MAGI2: variants seen among roughly 807,000 people sequenced by gnomAD.
MAGI2 encodes the protein membrane-associated guanylate kinase, WW and PDZ domain-containing protein 2.
A neutral mutation model predicts 133.3 loss-of-function variants in MAGI2; 35 were observed. That is an observed-to-expected ratio of 0.26 (90% confidence interval 0.20 to 0.35). MAGI2 has a LOEUF of 0.35. Ranked by LOEUF, MAGI2 falls within the 10% of genes least tolerant of loss-of-function variation. The probability of loss-of-function intolerance (pLI) is 1.00; values close to 1 mark genes in which losing one functional copy is unlikely to be tolerated. For synonymous variants in MAGI2, 729 were observed against 710.6 expected, an observed-to-expected ratio of 1.03 and a Z score of -0.41; for missense variants, 1,636 against 1,863.4, an observed-to-expected ratio of 0.88 and a Z score of 2.25.
intron 20 of MAGI2, among the ~76,000 whole-genome samples, chr7:78,082,078 T>C (rs1261858636): frequency 1.3e-5 from 2 of 152,194 alleles, no homozygotes; most frequent in African/African-American, 4.8e-5. Context: ...ACTGCCGCCT[T>C]GTGGTTACTT....
At chr7:79,269,172 T>C (rs1321492181) in intron 1 of MAGI2, among the ~76,000 whole-genome samples, 1 of 152,196 alleles carries the variant, frequency 6.6e-6, no homozygotes, top group Non-Finnish European at 1.5e-5. Flanking sequence ...TCTCCGCTTT[T>C]TGAGAACAGC....
chr7:78,253,938 A>T (rs1186839931), intron 10 of MAGI2: 1 of 152,188 alleles, frequency 6.6e-6, no homozygotes, highest in Non-Finnish European at 1.5e-5. Context: ...GCATGGTGCT[A>T]GTTCCTATTA....
At chr7:79,020,182 A>T (rs1809157413) in intron 1 of MAGI2, among the ~76,000 whole-genome samples, 1 of 152,106 alleles carries the variant, frequency 6.6e-6, no homozygotes, top group Non-Finnish European at 1.5e-5. Flanking sequence ...AAGAGATTGG[A>T]GGCATTTTGT....
chr7:78,409,616 T>A (rs547945833), intron 6 of MAGI2, among the ~76,000 whole-genome samples: 1 of 152,132 alleles, frequency 6.6e-6, no homozygotes, highest in Admixed American at 6.6e-5. Flanking sequence ...CTTTGGTACA[T>A]TCTTTTAAAG....
At chr7:78,810,696 C>A (rs1788972165) in intron 2 of MAGI2, among the ~76,000 whole-genome samples, 1 of 151,904 alleles carries the variant, frequency 6.6e-6, no homozygotes, top group Non-Finnish European at 1.5e-5. Context: ...AACATGACTC[C>A]CAATACAATT....
intron 3 of MAGI2, among the ~76,000 whole-genome samples, chr7:78,598,919 G>A (rs1216531454): frequency 6.6e-6 from 1 of 152,136 alleles, no homozygotes; most frequent in East Asian, 1.9e-4. Flanking sequence ...AACATACTGA[G>A]TTGAATGCTT....
chr7:78,922,758 G>A (rs1423899703), intron 2 of MAGI2, among the ~76,000 whole-genome samples: 1 of 151,720 alleles, frequency 6.6e-6, no homozygotes, highest in Non-Finnish European at 1.5e-5. Flanking sequence ...GATCCCTGAG[G>A]AATCGCTACA....
At chr7:78,687,988 A>G (rs866265203) in intron 2 of MAGI2, among the ~76,000 whole-genome samples, 1,424 of 140,890 alleles carry the variant, frequency 0.01, 51 homozygotes, top group African/African-American at 0.038. Flanking sequence ...AAAAAAAAAA[A>G]AAAAAAAAAA....
chr7:78,282,430 G>C (rs1242670101), intron 9 of MAGI2, among the ~76,000 whole-genome samples: 1 of 152,114 alleles, frequency 6.6e-6, no homozygotes, highest in Non-Finnish European at 1.5e-5. Context: ...CCAACGTCAT[G>C]TTTTTACATA....
chr7:78,443,679 C>T (rs1584146508), intron 6 of MAGI2, among the ~76,000 whole-genome samples: 1 of 152,220 alleles, frequency 6.6e-6, no homozygotes, highest in African/African-American at 2.4e-5. Flanking sequence ...ATACATCCAT[C>T]ATAAAAACCT....
chr7:78,672,775 C>T (rs552750291), intron 2 of MAGI2, among the ~76,000 whole-genome samples: 1 of 152,260 alleles, frequency 6.6e-6, no homozygotes, highest in African/African-American at 2.4e-5. Flanking sequence ...TGAGGCCCAA[C>T]AAACTAAATT....
chr7:78,782,389 G>A lies in MAGI2; in HGVS notation c.419-155150C>T, dbSNP rs142126282. The stretch of plus-strand genomic sequence containing the variant: ...CCCACAGTAGGCCGAGAGTCAGTGC[G>A]GGGCAGGTGAGTCCTTTGATAAAGG... On this transcript the variant is annotated intron_variant, in intron 2 of 21. Transcript: ENST00000354212. Among the ~76,000 whole-genome samples, 39 of 152,244 alleles carry A rather than the reference G, an allele frequency of 2.6e-4. 1 individual carries two copies. In the East Asian group the frequency reaches 7.0e-3, roughly 27 times the overall value.
At chr7:79,419,352 T>C (rs1204951138) in intron 1 of MAGI2, among the ~76,000 whole-genome samples, 2 of 151,964 alleles carry the variant, frequency 1.3e-5, no homozygotes, top group African/African-American at 4.8e-5. Context: ...CATTTACCAA[T>C]ACTATTTTAA....
chr7:78,218,110 T>C (rs1288564617), intron 10 of MAGI2, among the ~76,000 whole-genome samples: 6 of 152,238 alleles, frequency 3.9e-5, no homozygotes. Flanking sequence ...TCTACAACTC[T>C]GAAGTTTTCA....
chr7:78,855,943 C>A (rs927213443), intron 2 of MAGI2, among the ~76,000 whole-genome samples: 2 of 152,166 alleles, frequency 1.3e-5, no homozygotes, highest in East Asian at 3.9e-4. Context: ...CAATGATTGC[C>A]ATTCTAACAG....
At chr7:79,260,551 A>G (rs552787618) in intron 1 of MAGI2, among the ~76,000 whole-genome samples, 5 of 152,306 alleles carry the variant, frequency 3.3e-5, no homozygotes, top group African/African-American at 4.8e-5. Flanking sequence ...ATACAGGTTG[A>G]GCATTCCTAA....
chr7:78,728,407 A>G (rs1430099534), intron 2 of MAGI2, among the ~76,000 whole-genome samples: 4 of 152,096 alleles, frequency 2.6e-5, no homozygotes, highest in Non-Finnish European at 5.9e-5. Context: ...ATTGGTTCTT[A>G]CTCTATGGAA....
At chr7:79,173,520 T>TG (rs371845775) in intron 1 of MAGI2, among the ~76,000 whole-genome samples, 244 of 152,118 alleles carry the variant, frequency 1.6e-3, no homozygotes, top group African/African-American at 5.7e-3. Flanking sequence ...TTTGCAGAGA[T>TG]GGGGTCTCAC....
At chr7:79,231,917 G>A (rs1448005714) in intron 1 of MAGI2, among the ~76,000 whole-genome samples, 2 of 152,138 alleles carry the variant, frequency 1.3e-5, no homozygotes, top group African/African-American at 4.8e-5. Context: ...TCAGTATGAT[G>A]CTGGCTGTGG....
Sources: gnomAD v4.1 joint callset for allele counts (sites outside exome capture counted in the v4.1 genomes callset) on GRCh38, gnomAD v4.1.1 for gene constraint, MANE v1.5 for transcripts, NCBI Gene and HGNC (gene_info 2026-07-23, HGNC 2026-07-21) for gene names.